Variants in NEB observed in about 807,000 individuals in gnomAD.
NEB encodes nebulin, also known as nemaline myopathy type 2.
A neutral mutation model predicts 952.2 loss-of-function variants in NEB; 512 were observed. That is an observed-to-expected ratio of 0.54 (90% confidence interval 0.50 to 0.58). NEB has a LOEUF of 0.58. NEB is among the 20% of genes least tolerant of loss of function. The pLI is 0.00. For synonymous variants in NEB, 2,900 were observed against 3,149.8 expected (o/e 0.92, Z 2.66); for missense variants, 8,428 against 9,231.1 (o/e 0.91, Z 3.56).
At position 151,569,250 on chromosome 2, in the gene NEB, G is replaced by A. The variant is rs1490730426; in HGVS notation, c.17535+18C>T. The A allele has an allele frequency of 6.2e-7, 1 of 1,600,604 alleles. No homozygotes were observed. Among genetic ancestry groups the A allele is most frequent in the Non-Finnish European group, 8.6e-7 (1 of 1,167,768 alleles). On this transcript the variant is annotated intron_variant, in intron 110 of 181. Coordinates refer to ENST00000397345, the MANE Select transcript of NEB (RefSeq NM_001164508.2). ...TCTTGGGAAATGTACTGAATGTCAG[G>A]GTAAAATCTTGGAATACCTCACTGA... is the stretch of plus-strand genomic sequence containing the variant.
chr2:151,618,829 G>A (rs187208933), intron 73 of NEB, among the ~76,000 whole-genome samples: 9 of 152,218 alleles, frequency 5.9e-5, no homozygotes, highest in African/African-American at 1.2e-4. Flanking sequence ...CTGATGGTGC[G>A]TGAGTACTGC....
chr2:151,692,102 G>T lies in NEB; in HGVS notation c.2063C>A (p.Pro688Gln). The T allele has an allele frequency of 6.2e-7, 1 of 1,613,924 alleles. No individual in the cohort carries two copies. The highest frequency in any genetic ancestry group is 1.1e-5 in the South Asian group (1 of 91,082). The change falls in exon 22 of 182, where the codon CCA becomes CAA. Residue 688 changes from proline to glutamine, a missense_variant. This residue lies in a region of NEB where 2,851 missense variants were observed against 2,791.5 expected (regional missense o/e 1.02). Transcript: ENST00000397345. ...AACTTTCATGCAGTGTGTGTGATAT[G>T]GGTCCTCCATGCTGCCTACATAATG... ...LGHYVGSMED[P>Q]YHTHCMKVAA...
intron 64 of NEB, 135 bp from the exon 65 acceptor site, chr2:151,634,100 TTTCA>T: frequency 9.4e-6 from 10 of 1,062,982 alleles, no homozygotes; most frequent in Non-Finnish European, 1.3e-5. Context: ...GTATCCTGGC[TTTCA>T]TCCTGGAAGC....
chr2:151,679,501 T>C (rs917435381), intron 32 of NEB, among the ~76,000 whole-genome samples: 2 of 152,192 alleles, frequency 1.3e-5, no homozygotes, highest in African/African-American at 4.8e-5. Context: ...GAATTTTAAA[T>C]GAGGGGGCTT....
intron 168 of NEB, among the ~76,000 whole-genome samples, chr2:151,500,261 A>T (rs1227608703): frequency 6.6e-6 from 1 of 152,162 alleles, no homozygotes; most frequent in Non-Finnish European, 1.5e-5. Flanking sequence ...TCAAAGAATC[A>T]AACTTTTAGA....
intron 110 of NEB, 104 bp from the exon 111 acceptor site, chr2:151,568,820 G>A (rs1402221326): frequency 2.5e-6 from 2 of 807,166 alleles, no homozygotes; most frequent in Non-Finnish European, 3.8e-6. Context: ...AACATACAGT[G>A]CCGTATTTGA....
chr2:151,687,692 C>T lies in NEB; in HGVS notation c.2457G>A (p.Lys819=). 6.2e-7 allele frequency: 1 copy of T among 1,602,036 alleles called. No homozygotes were observed. Among genetic ancestry groups the T allele is most frequent in the African/African-American group, 1.3e-5 (1 of 74,882 alleles). ...KQDWEKSKAK[K]FDIKVDAIPL... is the part of the protein sequence containing the mutation. ...GAATGGCGTCCACTTTAATGTCAAACTTCTTGGCTTTGCTCTTCTCCCAGT... is the reference window on the plus strand; with the variant it reads ...GAATGGCGTCCACTTTAATGTCAAATTTCTTGGCTTTGCTCTTCTCCCAGT... Residue 819 remains lysine (K), a synonymous_variant, in exon 26 of 182, where the codon AAG becomes AAA. Transcript: ENST00000397345.
At chr2:151,637,143 T>C (rs2098776960) in intron 63 of NEB, among the ~76,000 whole-genome samples, 1 of 152,192 alleles carries the variant, frequency 6.6e-6, no homozygotes, top group Non-Finnish European at 1.5e-5. Flanking sequence ...ATGGAGAGAC[T>C]GATAACCTGT....
chr2:151,501,809 A>G (rs571443638), intron 167 of NEB, among the ~76,000 whole-genome samples: 114 of 152,256 alleles, frequency 7.5e-4, no homozygotes, highest in African/African-American at 2.6e-3. Context: ...TGTTGGTAAC[A>G]TTAAATTAGG....
intron 130 of NEB, among the ~76,000 whole-genome samples, chr2:151,549,228 T>C (rs2095079325): frequency 6.6e-6 from 1 of 152,194 alleles, no homozygotes; most frequent in Admixed American, 6.5e-5. Context: ...GGTGATGTTA[T>C]ATCTTCTGCA....
At position 151,493,440 on chromosome 2, in the gene NEB, C is replaced by A; in HGVS notation, c.24678G>T (p.Leu8226Phe). The change falls in exon 176 of 182, where the codon TTG becomes TTT. Residue 8226 changes from leucine (L) to phenylalanine (F), a missense_variant. Physicochemically the swap from Leu to Phe is conservative, Grantham distance 22. This residue lies in a region of NEB where 3,374 missense variants were observed against 3,651.5 expected (regional missense o/e 0.92). Transcript: ENST00000397345. ...TTGCTTTTCTCATGTTCTCTTTGTA[C>A]AATACCTAGGGAAGCCAAAAGAGCA... ...KRNQENFSSVLYKENMRKATP... is the reference protein window; with the variant it reads ...KRNQENFSSVFYKENMRKATP... 6.3e-7 allele frequency: 1 copy of A among 1,591,806 alleles called. No homozygotes were observed. Among genetic ancestry groups the A allele is most frequent in the Non-Finnish European group, 8.5e-7 (1 of 1,171,304 alleles).
intron 46 of NEB, among the ~76,000 whole-genome samples, 182 bp downstream of exon 46, chr2:151,661,953 A>G (rs2099153889): frequency 6.6e-6 from 1 of 152,198 alleles, no homozygotes; most frequent in African/African-American, 2.4e-5. Flanking sequence ...TGAAGATTTG[A>G]AGACTACTAG....
intron 128 of NEB, 129 bp from the exon 129 acceptor site, chr2:151,551,974 A>T: frequency 1.6e-6 from 1 of 640,276 alleles, no homozygotes; most frequent in East Asian, 2.8e-5. Flanking sequence ...GGCTTGTCCA[A>T]CAGGATCAGA....
At chr2:151,714,518 C>G (rs115178773) in intron 10 of NEB, among the ~76,000 whole-genome samples, 1,861 of 152,246 alleles carry the variant, frequency 0.012, 39 homozygotes, top group African/African-American at 0.042. Flanking sequence ...GGAGCTGGAG[C>G]TTCATTCTGA....
rs2098332820 is a variant in NEB at position 151,619,565 on chromosome 2, C to T, written c.10758G>A (p.Lys3586=). ...CCACATCGCTGACCAAGGTCTGACA[C>T]TTCTTGGCCAAAACGATACCAAGCA... The part of the protein sequence containing the change: ...VDMLGIVLAK[K]CQTLVSDVDY... The change falls in exon 73 of 182, where the codon AAG becomes AAA. Residue 3586 remains lysine (K), a synonymous_variant. Transcript: ENST00000397345. 1.2e-6 allele frequency: 2 copies of T among 1,613,850 alleles called. No individual in the cohort carries two copies. The highest frequency in any genetic ancestry group is 1.1e-5 in the South Asian group (1 of 91,086).
chr2:151,711,745 A>G (rs905591417), intron 10 of NEB, among the ~76,000 whole-genome samples: 1 of 152,214 alleles, frequency 6.6e-6, no homozygotes, highest in Non-Finnish European at 1.5e-5. Flanking sequence ...TTCGCTAAAG[A>G]GTGCTTTGTA....
At position 151,503,447 on chromosome 2, in the gene NEB, GA is replaced by G; in HGVS notation, c.23743-7del. 1 of 1,578,592 alleles carries G rather than the reference GA, an allele frequency of 6.3e-7. No homozygotes were observed. Among genetic ancestry groups the G allele is most frequent in the Non-Finnish European group, 8.7e-7 (1 of 1,148,282 alleles). On this transcript the variant is annotated splice_region_variant and splice_polypyrimidine_tract_variant and intron_variant, in intron 165 of 181. Transcript: ENST00000397345. ...AAGTTTTCTTTGTACATAACCTGTA[GA>G]AAATAATTAGAATACCCAGAAAGGT...
intron 54 of NEB, among the ~76,000 whole-genome samples, chr2:151,649,516 A>C (rs1430467646): frequency 6.6e-6 from 1 of 152,202 alleles, no homozygotes; most frequent in African/African-American, 2.4e-5. Flanking sequence ...TACAGATTTC[A>C]GGGCACATAC....
At chr2:151,663,277 C>T (rs1226801458) in intron 45 of NEB, among the ~76,000 whole-genome samples, 1 of 152,168 alleles carries the variant, frequency 6.6e-6, no homozygotes, top group Non-Finnish European at 1.5e-5. Flanking sequence ...CCTTTCAATA[C>T]ACTCTTTCTG....
Sources: allele counts gnomAD v4.1 joint callset (sites outside exome capture counted in the v4.1 genomes callset), GRCh38; gene constraint gnomAD v4.1.1; regional missense constraint gnomAD v4.1.1; transcripts MANE v1.5; gene names NCBI Gene and HGNC (gene_info 2026-07-23, HGNC 2026-07-21).